The following ATG7 variants were observed in gnomAD, a reference collection of about 807,000 sequenced individuals.
ATG7 encodes autophagy related 7, also known as ubiquitin-like modifier-activating enzyme ATG7.
Under a neutral mutation model 82.4 loss-of-function variants are expected in ATG7, and 70 were observed. The observed-to-expected ratio is 0.85, with a 90% confidence interval of 0.70 to 1.04. The LOEUF is 1.04. Among genes scored for constraint, ATG7 ranks in the 50% least tolerant of loss-of-function variants. The pLI is 0.00. For synonymous variants in ATG7, 287 were observed against 313.0 expected, an observed-to-expected ratio of 0.92 and a Z score of 0.88; for missense variants, 792 against 864.3, an observed-to-expected ratio of 0.92 and a Z score of 1.05.
chr3:11,482,410 C>A (rs1319510256), intron 20 of ATG7, among the ~76,000 whole-genome samples: 9 of 152,332 alleles, frequency 5.9e-5, no homozygotes, highest in Admixed American at 5.9e-4. Flanking sequence ...CAGTCTGTAG[C>A]CAGCAGCAAA....
intron 20 of ATG7, among the ~76,000 whole-genome samples, chr3:11,494,242 A>G (rs1233601772): frequency 6.6e-6 from 1 of 152,210 alleles, no homozygotes; most frequent in Non-Finnish European, 1.5e-5. Context: ...ATGCAGGAAA[A>G]CAGGAATTAG....
chr3:11,399,613 C>T (rs145665885), intron 19 of ATG7, among the ~76,000 whole-genome samples: 23 of 152,026 alleles, frequency 1.5e-4, no homozygotes, highest in African/African-American at 4.6e-4. Context: ...CTCACTCTAT[C>T]GCCCAGGCTA....
chr3:11,460,437 G>A (rs919231536), intron 20 of ATG7, among the ~76,000 whole-genome samples: 4 of 152,208 alleles, frequency 2.6e-5, no homozygotes, highest in African/African-American at 9.6e-5. Context: ...GAGAGAAGGG[G>A]TCATGACTGA....
downstream of ATG7, chr3:11,558,592 C>A: frequency 6.2e-7 from 1 of 1,604,972 alleles, no homozygotes. Flanking sequence ...TGTGGCTGAC[C>A]ATGTGGGCAG....
rs2152707002 is a variant in ATG7, at chr3:11,307,033, G to T, written c.306G>T (p.Lys102Asn). The change falls in exon 6 of 21, where the codon AAG (lysine) becomes AAT (asparagine). Residue 102 changes from lysine to asparagine, a missense_variant. Coordinates refer to ENST00000693202, the MANE Select transcript of ATG7 (RefSeq NM_001349232.2). ...AGTCTTTCAAGACTGCAGATAAGAA[G>T]CTCCTTTTGGAACAAGCAGCAAATG... ...TLESFKTADK[K>N]LLLEQAANEI... is the part of the protein sequence containing the mutation. The T allele has an allele frequency of 2.5e-6, 4 of 1,613,924 alleles. No homozygotes were observed. Among genetic ancestry groups the T allele is most frequent in the East Asian group, 4.5e-5 (2 of 44,860 alleles).
intron 20 of ATG7, among the ~76,000 whole-genome samples, chr3:11,474,648 G>A (rs1405008956): frequency 6.6e-6 from 1 of 152,186 alleles, no homozygotes; most frequent in Admixed American, 6.5e-5. Context: ...GGATGAATTG[G>A]TGTGGAGGGT....
At chr3:11,294,774 T>G (rs991089007) in intron 3 of ATG7, among the ~76,000 whole-genome samples, 1 of 152,146 alleles carries the variant, frequency 6.6e-6, no homozygotes, top group African/African-American at 2.4e-5. Context: ...GAATCTTCTT[T>G]CCTCCACAGG....
At chr3:11,372,160 C>CT (rs927370603) in intron 18 of ATG7, among the ~76,000 whole-genome samples, 8 of 151,312 alleles carry the variant, frequency 5.3e-5, no homozygotes, top group Non-Finnish European at 1.0e-4. Flanking sequence ...GTGCTTGGCC[C>CT]TTTTGGGCCT....
chr3:11,366,398 A>AT (rs377027995), intron 18 of ATG7, among the ~76,000 whole-genome samples: 216 of 150,736 alleles, frequency 1.4e-3, no homozygotes, highest in South Asian at 4.0e-3. Flanking sequence ...ACAAGGTGGC[A>AT]TTTTTTTTTG....
At chr3:11,355,365 A>G (rs1472104042) in intron 14 of ATG7, among the ~76,000 whole-genome samples, 10 of 152,236 alleles carry the variant, frequency 6.6e-5, no homozygotes, top group African/African-American at 2.4e-4. Context: ...TACTATGAAC[A>G]AAAAATGGTA....
At chr3:11,508,727 A>G (rs1346087547) in intron 20 of ATG7, among the ~76,000 whole-genome samples, 1 of 152,222 alleles carries the variant, frequency 6.6e-6, no homozygotes, top group East Asian at 1.9e-4. Flanking sequence ...CTGAGATTAC[A>G]GGTGTCAGCT....
chr3:11,332,897 C>A, intron 10 of ATG7, 75 bp from the exon 11 acceptor site: 1 of 1,337,246 alleles, frequency 7.5e-7, no homozygotes, highest in Non-Finnish European at 9.7e-7. Context: ...TTTGCTGAAG[C>A]TCTTATGTGA....
At chr3:11,408,559 A>G (rs1232920304) in intron 19 of ATG7, among the ~76,000 whole-genome samples, 1 of 152,224 alleles carries the variant, frequency 6.6e-6, no homozygotes, top group East Asian at 1.9e-4. Flanking sequence ...TGGGCAATTT[A>G]CAAAATTAAG....
intron 20 of ATG7, among the ~76,000 whole-genome samples, chr3:11,455,173 C>T (rs2085580793): frequency 6.6e-6 from 1 of 152,132 alleles, no homozygotes; most frequent in Non-Finnish European, 1.5e-5. Context: ...ATTTACTGGG[C>T]CTAGAAACTA....
intron 20 of ATG7, among the ~76,000 whole-genome samples, chr3:11,443,341 A>C (rs1453360611): frequency 6.6e-6 from 1 of 152,152 alleles, no homozygotes; most frequent in Non-Finnish European, 1.5e-5. Context: ...GGCAAAGGAG[A>C]TTATATAAAT....
chr3:11,539,970 C>T (rs899459675), intron 20 of ATG7, among the ~76,000 whole-genome samples: 7 of 152,206 alleles, frequency 4.6e-5, no homozygotes, highest in African/African-American at 1.4e-4. Context: ...ACTCACTCAC[C>T]TGGTGAGCTG....
intron 13 of ATG7, among the ~76,000 whole-genome samples, chr3:11,345,995 AT>A (rs1462135609): frequency 1.3e-5 from 2 of 152,240 alleles, no homozygotes; most frequent in Non-Finnish European, 2.9e-5. Context: ...TTTATTAGAT[AT>A]ATAATAATGT....
At chr3:11,343,798 C>A (rs180969962) in intron 13 of ATG7, among the ~76,000 whole-genome samples, 1 of 152,094 alleles carries the variant, frequency 6.6e-6, no homozygotes, top group African/African-American at 2.4e-5. Flanking sequence ...ATACCTGAGT[C>A]TCTTTATGGA....
intron 18 of ATG7, among the ~76,000 whole-genome samples, chr3:11,372,537 CTA>C (rs2077071802): frequency 6.6e-6 from 1 of 150,880 alleles, no homozygotes; most frequent in African/African-American, 2.4e-5. Context: ...ACTCACATAA[CTA>C]TCACTTCCAC....
Sources: allele counts gnomAD v4.1 joint callset (sites outside exome capture counted in the v4.1 genomes callset), GRCh38; gene constraint gnomAD v4.1.1; transcripts MANE v1.5; gene names NCBI Gene and HGNC (gene_info 2026-07-23, HGNC 2026-07-21).